The following TMTC2 variants were observed in gnomAD, a reference collection of about 807,000 sequenced individuals.
TMTC2 encodes transmembrane O-mannosyltransferase targeting cadherins 2.
Under a neutral mutation model 82.4 loss-of-function variants are expected in TMTC2, and 43 were observed. The ratio of observed to expected loss-of-function variants is 0.52; its 90% CI spans 0.41 to 0.67. The LOEUF (loss-of-function observed/expected upper bound fraction) is 0.67, where lower values mean the gene tolerates loss of function less well. TMTC2 is among the 30% of genes least tolerant of loss of function. The probability of loss-of-function intolerance (pLI) is 0.00; values close to 1 mark genes in which losing one functional copy is unlikely to be tolerated. For missense variants in TMTC2, 919 were observed against 1,012.4 expected (o/e 0.91, Z 1.25); for synonymous variants, 408 against 381.9 (o/e 1.07, Z -0.80).
At chr12:82,933,447 T>G (rs1335763986) in intron 4 of TMTC2, among the ~76,000 whole-genome samples, 4 of 152,248 alleles carry the variant, frequency 2.6e-5, no homozygotes, top group Middle Eastern at 6.8e-3. Context: ...TAAATTTTAG[T>G]TTTGAGATGT....
At chr12:83,071,003 T>C (rs1022028822) in intron 11 of TMTC2, among the ~76,000 whole-genome samples, 5 of 152,320 alleles carry the variant, frequency 3.3e-5, no homozygotes, top group East Asian at 1.9e-4. Context: ...TATTGACTTA[T>C]GTATGTTAAA....
intron 1 of TMTC2, among the ~76,000 whole-genome samples, chr12:82,787,826 G>C (rs1878254773): frequency 6.6e-6 from 1 of 151,950 alleles, no homozygotes. Context: ...CAGGAGAATC[G>C]CTTGAACCTG....
chr12:82,966,588 T>C (rs931772175), intron 6 of TMTC2, among the ~76,000 whole-genome samples: 12 of 152,162 alleles, frequency 7.9e-5, no homozygotes, highest in African/African-American at 2.2e-4. Context: ...AGATGACTAA[T>C]GGGTAACTTT....
chr12:82,771,554 C>T (rs916754120), intron 1 of TMTC2, among the ~76,000 whole-genome samples: 1 of 151,892 alleles, frequency 6.6e-6, no homozygotes, highest in Admixed American at 6.6e-5. Context: ...GATTTGGTAC[C>T]CTTGCTTTCA....
chr12:82,694,485 A>G (rs1872705095), intron 1 of TMTC2, among the ~76,000 whole-genome samples: 2 of 152,336 alleles, frequency 1.3e-5, no homozygotes, highest in East Asian at 3.9e-4. Context: ...GGCAGAGGAT[A>G]TGCTATTTGC....
chr12:82,782,781 T>C (rs1035778772), intron 1 of TMTC2, among the ~76,000 whole-genome samples: 1 of 152,196 alleles, frequency 6.6e-6, no homozygotes, highest in Non-Finnish European at 1.5e-5. Flanking sequence ...TGTGGCGTTA[T>C]GATTCAAGGC....
chr12:83,120,968 T>C lies in TMTC2; in HGVS notation c.2332-11242T>C, dbSNP rs559906434. ...ATTGCTGAGACTTTCCAGAGCATTT[T>C]GCATTTCTATAAGTATGTCCATTGT... is the stretch of plus-strand genomic sequence containing the variant. On this transcript the variant is annotated intron_variant, in intron 11 of 11. Transcript: ENST00000321196. Among the ~76,000 whole-genome samples the C allele has an allele frequency of 4.6e-5, 7 of 152,344 alleles. No individual in the cohort carries two copies. In the East Asian group the frequency reaches 1.4e-3, roughly 29 times the overall value.
intron 1 of TMTC2, among the ~76,000 whole-genome samples, chr12:82,778,066 C>T (rs748450021): frequency 1.3e-5 from 2 of 151,878 alleles, no homozygotes; most frequent in Non-Finnish European, 2.9e-5. Flanking sequence ...GATTACTCTT[C>T]GCATTGTAAA....
chr12:82,779,751 T>C (rs1877798368), intron 1 of TMTC2, among the ~76,000 whole-genome samples: 1 of 152,002 alleles, frequency 6.6e-6, no homozygotes, highest in South Asian at 2.1e-4. Context: ...ACTACAAAAA[T>C]TAGCCGGGTG....
chr12:82,887,043 T>C lies in TMTC2; in HGVS notation c.655-8775T>C, dbSNP rs114093420. On this transcript the variant is annotated intron_variant, in intron 2 of 11. Transcript: ENST00000321196. ...TCTGGATAGCCTTTTCTCTGTCTTA[T>C]AACTTTCAGAAACTGATTTTTATCT... Among the ~76,000 whole-genome samples the C allele has an allele frequency of 6.9e-3, 1,055 of 152,310 alleles. 13 individuals are homozygous for C. The highest frequency in any genetic ancestry group is 0.023 in the African/African-American group (969 of 41,566).
intron 8 of TMTC2, among the ~76,000 whole-genome samples, chr12:82,991,283 T>G (rs1230543673): frequency 6.6e-6 from 1 of 152,198 alleles, no homozygotes; most frequent in Middle Eastern, 3.2e-3. Flanking sequence ...GATTGGAGAT[T>G]GGAAAAATAA....
intron 8 of TMTC2, among the ~76,000 whole-genome samples, chr12:83,019,248 CCTT>C (rs1343986160): frequency 6.6e-6 from 1 of 152,150 alleles, no homozygotes; most frequent in African/African-American, 2.4e-5. Context: ...TGTCTCCTCT[CCTT>C]CTGCTGACAC....
intron 7 of TMTC2, among the ~76,000 whole-genome samples, chr12:82,984,558 T>C (rs1336506379): frequency 2.6e-5 from 4 of 152,140 alleles, no homozygotes; most frequent in Non-Finnish European, 4.4e-5. Context: ...AGCCTCTGAT[T>C]ACGCCTCTAA....
intron 2 of TMTC2, among the ~76,000 whole-genome samples, chr12:82,861,231 T>C (rs1449686166): frequency 6.6e-6 from 1 of 152,216 alleles, no homozygotes; most frequent in Non-Finnish European, 1.5e-5. Flanking sequence ...CTGGAAATTA[T>C]TAAGGCCAGA....
At chr12:82,923,889 G>A (rs765925287) in intron 3 of TMTC2, among the ~76,000 whole-genome samples, 9 of 152,054 alleles carry the variant, frequency 5.9e-5, no homozygotes, top group Non-Finnish European at 1.0e-4. Flanking sequence ...AGTCAGAAAG[G>A]TCAGATTTCA....
intron 2 of TMTC2, among the ~76,000 whole-genome samples, chr12:82,885,221 C>CTT (rs80014908): frequency 0.15 from 23,317 of 151,418 alleles, 3,920 homozygotes; most frequent in African/African-American, 0.42. Flanking sequence ...TTTTTGATGA[C>CTT]TGACAGTTTT....
intron 2 of TMTC2, among the ~76,000 whole-genome samples, chr12:82,868,473 G>GTAA (rs1272813438): frequency 1.3e-5 from 2 of 152,066 alleles, no homozygotes; most frequent in Non-Finnish European, 2.9e-5. Flanking sequence ...TCCTCCATTG[G>GTAA]TAATATCTTG....
intron 1 of TMTC2, among the ~76,000 whole-genome samples, chr12:82,776,301 G>A (rs1481675024): frequency 6.6e-6 from 1 of 152,112 alleles, no homozygotes; most frequent in Non-Finnish European, 1.5e-5. Context: ...GTTCCTAGGT[G>A]TTACCAAATG....
intron 1 of TMTC2, among the ~76,000 whole-genome samples, chr12:82,766,605 A>G (rs1432833211): frequency 6.6e-6 from 1 of 152,198 alleles, no homozygotes; most frequent in Non-Finnish European, 1.5e-5. Flanking sequence ...TCTTATGAAG[A>G]TGATTATTCT....
Sources: allele counts gnomAD v4.1 joint callset (sites outside exome capture counted in the v4.1 genomes callset), GRCh38; gene constraint gnomAD v4.1.1; transcripts MANE v1.5; gene names NCBI Gene and HGNC (gene_info 2026-07-23, HGNC 2026-07-21).